Variants in VCL observed in about 807,000 individuals in gnomAD.
VCL encodes vinculin, also known as epididymis luminal protein 114.
In VCL, 47 loss-of-function variants were observed where a neutral mutation model predicts 125.7. The ratio of observed to expected loss-of-function variants is 0.37; its 90% CI spans 0.30 to 0.48. VCL has a LOEUF of 0.48. Ranked by LOEUF, VCL falls within the 20% of genes least tolerant of loss-of-function variation. The probability of loss-of-function intolerance (pLI) is 0.99; values close to 1 mark genes in which losing one functional copy is unlikely to be tolerated. For missense variants in VCL, 1,069 were observed against 1,455.5 expected, an observed-to-expected ratio of 0.73 and a Z score of 4.32; for synonymous variants, 458 against 514.6, an observed-to-expected ratio of 0.89 and a Z score of 1.49.
intron 2 of VCL, among the ~76,000 whole-genome samples, chr10:74,052,246 T>A (rs1841312588): frequency 6.6e-6 from 1 of 152,186 alleles, no homozygotes; most frequent in African/African-American, 2.4e-5. Flanking sequence ...GCCTCTGGAA[T>A]TGAGTACTGA....
In VCL at chr10:74,118,355, A is replaced by G. The variant is rs1840343427; in HGVS notation, c.*186A>G. The G allele has an allele frequency of 1.4e-6, 1 of 734,138 alleles. No individual in the cohort carries two copies. 45.5% of individuals were successfully genotyped at this position (734,138 alleles called of 1,614,324 possible). On this transcript the variant is annotated 3_prime_UTR_variant, in exon 22 of 22. Coordinates refer to ENST00000211998, the MANE Select transcript of VCL (RefSeq NM_014000.3). The stretch of plus-strand genomic sequence containing the variant: ...ACTCTTTTTTCATGGACACTTTGAA[A>G]TGTGTTTCTGTATAAAGCCTGTATT...
chr10:74,080,352 G>A lies in VCL; in HGVS notation c.784-2102G>A, dbSNP rs564340955. On this transcript the variant is annotated intron_variant, in intron 6 of 21. Coordinates refer to ENST00000211998, the MANE Select transcript of VCL (RefSeq NM_014000.3). ...TTCATTTGATAAGCAATGAGGTTTG[G>A]AGTCAACAAACCTGAGATCAAATTA... 1.2e-4 allele frequency among the ~76,000 whole-genome samples: 18 copies of A among 152,220 alleles called. No homozygotes were observed. The South Asian group carries it at 3.3e-3, about 28-fold the overall frequency.
chr10:74,108,375 A>G (rs1840170134), intron 17 of VCL, among the ~76,000 whole-genome samples: 1 of 152,160 alleles, frequency 6.6e-6, no homozygotes, highest in Non-Finnish European at 1.5e-5. Context: ...CCAGGACCAC[A>G]ACTTACATCT....
chr10:74,104,418 C>G (rs1400785817), intron 15 of VCL, among the ~76,000 whole-genome samples: 2 of 152,146 alleles, frequency 1.3e-5, no homozygotes, highest in African/African-American at 4.8e-5. Context: ...AAACCTGTGT[C>G]TGTGCAATTG....
At chr10:74,066,692 G>C (rs1402934101) in intron 2 of VCL, among the ~76,000 whole-genome samples, 1 of 143,148 alleles carries the variant, frequency 7.0e-6, no homozygotes, top group African/African-American at 2.6e-5. Flanking sequence ...TTTTTTTTGA[G>C]ACTAAATCTC....
At chr10:74,046,133 G>A (rs150763462) in intron 2 of VCL, among the ~76,000 whole-genome samples, 15 of 152,224 alleles carry the variant, frequency 9.9e-5, no homozygotes, top group African/African-American at 1.9e-4. Context: ...TGTACAGCCT[G>A]TTTTGTGGGA....
rs397517247 is a variant in VCL at position 74,083,443 on chromosome 10, C to T, written c.952C>T (p.Arg318Cys). ...KVGELCAGKERREILGTCKML... is the reference protein window; with the variant it reads ...KVGELCAGKECREILGTCKML... ...TGGTGAACTCTGTGCAGGCAAAGAA[C>T]GCAGGGAGATTCTGGGAACTTGCAA... The change falls in exon 8 of 22, where the codon CGC (arginine) becomes TGC (cysteine). Residue 318 changes from arginine (R) to cysteine (C), a missense_variant. Coordinates refer to ENST00000211998, the MANE Select transcript of VCL (RefSeq NM_014000.3). 8.7e-6 allele frequency: 14 copies of T among 1,613,958 alleles called. No individual in the cohort carries two copies. Among genetic ancestry groups the T allele is most frequent in the Middle Eastern group, 3.3e-4 (2 of 6,084 alleles).
chr10:74,018,121 C>T (rs2136231473), intron 1 of VCL, among the ~76,000 whole-genome samples: 1 of 121,214 alleles, frequency 8.2e-6, no homozygotes, highest in East Asian at 2.1e-4. Flanking sequence ...GGCAACAGAG[C>T]GAGACTCTGT....
At chr10:74,009,239 T>G in intron 1 of VCL, among the ~76,000 whole-genome samples, 1 of 106,140 alleles carries the variant, frequency 9.4e-6, no homozygotes, top group African/African-American at 3.5e-5. Flanking sequence ...CCGAGCCATT[T>G]TAGTATTTAA....
chr10:74,020,616 G>T (rs1840642316), intron 1 of VCL, among the ~76,000 whole-genome samples: 1 of 152,028 alleles, frequency 6.6e-6, no homozygotes, highest in Admixed American at 6.6e-5. Flanking sequence ...CGAGGTGGGT[G>T]GACCACTTGA....
At chr10:74,087,800 A>G (rs912658796) in intron 8 of VCL, among the ~76,000 whole-genome samples, 1 of 150,368 alleles carries the variant, frequency 6.7e-6, no homozygotes, top group Non-Finnish European at 1.5e-5. Flanking sequence ...ACAGTGTGAA[A>G]CCCCGTCTCT....
intron 12 of VCL, 73 bp downstream of exon 12, chr10:74,095,928 AGTTTTG>A: frequency 6.4e-7 from 1 of 1,552,540 alleles, no homozygotes; most frequent in Admixed American, 1.8e-5. Context: ...AGGAAGAGAG[AGTTTTG>A]AAAAATACAT....
downstream of VCL, chr10:74,121,350 G>A (rs1840451990): frequency 6.6e-6 from 1 of 152,172 alleles, no homozygotes; most frequent in Non-Finnish European, 1.5e-5. Context: ...TGAATAAAAT[G>A]ATGGTGACTC....
intron 1 of VCL, among the ~76,000 whole-genome samples, chr10:74,011,364 A>C (rs1052004308): frequency 2.0e-5 from 3 of 152,100 alleles, no homozygotes; most frequent in African/African-American, 7.2e-5. Flanking sequence ...TTATGTCCTC[A>C]TATACTGGAT....
chr10:74,114,030 C>T (rs562000571), intron 19 of VCL, among the ~76,000 whole-genome samples, 154 bp from the exon 20 acceptor site: 26 of 152,020 alleles, frequency 1.7e-4, no homozygotes, highest in African/African-American at 4.1e-4. Context: ...CAGTGCTATC[C>T]GTATCACTCA....
intron 1 of VCL, among the ~76,000 whole-genome samples, chr10:74,022,553 A>G (rs2136234530): frequency 6.6e-6 from 1 of 151,364 alleles, no homozygotes; most frequent in Non-Finnish European, 1.5e-5. Context: ...CTCAAGAAAA[A>G]ATAAAATACA....
chr10:74,015,850 A>G (rs1298109417), intron 1 of VCL, among the ~76,000 whole-genome samples: 3 of 151,754 alleles, frequency 2.0e-5, no homozygotes, highest in African/African-American at 7.3e-5. Flanking sequence ...ACATCAGGCT[A>G]ATTTTTGTAG....
rs539685043 is a variant in VCL, at chr10:74,097,731, A to G, written c.1872+399A>G. On this transcript the variant is annotated intron_variant, in intron 13 of 21. Transcript: ENST00000211998. The surrounding 1 kb of genome is among the most constrained non-coding windows in gnomAD (Gnocchi z 4.1). ...GCAGGAAGAAATGAAGAATGGGGGT[A>G]CTCCAGTCACAACTGTGCCTTTCGA... Among the ~76,000 whole-genome samples, 1 of 152,172 alleles carries G rather than the reference A, an allele frequency of 6.6e-6. No individual in the cohort carries two copies. The highest frequency in any genetic ancestry group is 1.9e-4 in the East Asian group (1 of 5,178).
rs1467293481 is a variant in VCL, at chr10:74,119,735, C to T, written c.*1566C>T. ...CTTAAGTTGGTCCTTTACACTCAGG[C>T]TTTCACTATTTCCTTTATAATGAGG... is the stretch of plus-strand genomic sequence containing the variant. On this transcript the variant is annotated 3_prime_UTR_variant, in exon 22 of 22. Coordinates refer to ENST00000211998, the MANE Select transcript of VCL (RefSeq NM_014000.3). 1 of 152,544 alleles carries T rather than the reference C, an allele frequency of 6.6e-6. No homozygotes were observed. Among genetic ancestry groups the T allele is most frequent in the African/African-American group, 2.4e-5 (1 of 41,418 alleles). 9.4% of individuals were successfully genotyped at this position (152,544 alleles called of 1,614,324 possible).
Sources: allele counts gnomAD v4.1 joint callset (sites outside exome capture counted in the v4.1 genomes callset), GRCh38; gene constraint gnomAD v4.1.1; non-coding constraint Gnocchi (gnomAD v3.1); transcripts MANE v1.5; gene names NCBI Gene and HGNC (gene_info 2026-07-23, HGNC 2026-07-21).